STK32B: variants seen among roughly 807,000 people sequenced by gnomAD.
STK32B encodes the protein serine/threonine-protein kinase 32B.
STK32B carries 43 observed loss-of-function variants against 52.6 expected under a neutral mutation model. The ratio of observed to expected loss-of-function variants is 0.82; its 90% CI spans 0.64 to 1.05. The LOEUF is 1.05. Ranked by LOEUF, STK32B falls within the 50% of genes least tolerant of loss-of-function variation. STK32B has a pLI of 0.00. For synonymous variants in STK32B, 238 were observed against 204.3 expected (o/e 1.17, Z -1.41); for missense variants, 621 against 534.6 (o/e 1.16, Z -1.59).
In STK32B at chr4:5,400,230, G is replaced by A. The variant is rs190755156; in HGVS notation, c.472+1986G>A. Among the ~76,000 whole-genome samples the A allele has an allele frequency of 1.9e-4, 29 of 152,178 alleles. No individual in the cohort carries two copies. The East Asian group carries it at 4.9e-3, about 26-fold the overall frequency. Reference sequence around the variant, plus strand: ...TGCTGCACAAAAGATATAGGCAGGCGGGCTGCTCCCAGGCAGCCTCCCCTA... The same window carrying A: ...TGCTGCACAAAAGATATAGGCAGGCAGGCTGCTCCCAGGCAGCCTCCCCTA... On this transcript the variant is annotated intron_variant, in intron 5 of 11. Transcript: ENST00000282908. This position sits in a 1 kb window ranked among gnomAD's most constrained non-coding sequence, Gnocchi z 6.1.
In STK32B at chr4:5,467,546, A is replaced by AGGT. The variant is rs1439362068; in HGVS notation, c.1042-459_1042-457dup. 1.3e-5 allele frequency among the ~76,000 whole-genome samples: 2 copies of AGGT among 152,114 alleles called. No homozygotes were observed. Among genetic ancestry groups the AGGT allele is most frequent in the African/African-American group, 4.8e-5 (2 of 41,410 alleles). ...CATCTTAACTGGATTACATCTGTAA[A>AGGT]GGTTCTATTTCCAAATAACGTCATG... On this transcript the variant is annotated intron_variant, in intron 10 of 11. Coordinates refer to ENST00000282908, the MANE Select transcript of STK32B (RefSeq NM_018401.3). The surrounding 1 kb of genome is among the most constrained non-coding windows in gnomAD (Gnocchi z 5.8).
chr4:5,285,479 A>G (rs1301559363), intron 3 of STK32B, among the ~76,000 whole-genome samples: 3 of 152,226 alleles, frequency 2.0e-5, no homozygotes, highest in Admixed American at 6.5e-5. Context: ...AAGACAGGAC[A>G]TAATAGGATA....
At chr4:5,338,282 G>C (rs901835676) in intron 4 of STK32B, among the ~76,000 whole-genome samples, 1 of 152,178 alleles carries the variant, frequency 6.6e-6, no homozygotes, top group Admixed American at 6.5e-5. Flanking sequence ...TAGTAGTAAA[G>C]ATATTGTTCA....
At chr4:5,170,759 G>A (rs1295360193) in intron 3 of STK32B, among the ~76,000 whole-genome samples, 6 of 152,080 alleles carry the variant, frequency 3.9e-5, no homozygotes, top group Non-Finnish European at 8.8e-5. Flanking sequence ...GAATAGTGCC[G>A]CAGTAAACAT....
chr4:5,047,404 C>T (rs1227103397), upstream of STK32B, among the ~76,000 whole-genome samples: 1 of 152,086 alleles, frequency 6.6e-6, no homozygotes, highest in Non-Finnish European at 1.5e-5. Context: ...CACCACGGCA[C>T]ATGTCTACTT....
intron 4 of STK32B, among the ~76,000 whole-genome samples, chr4:5,348,807 AC>A (rs1733639530): frequency 6.6e-6 from 1 of 151,938 alleles, no homozygotes; most frequent in Non-Finnish European, 1.5e-5. Context: ...TCACAGCTTC[AC>A]CCCTCACCAG....
chr4:5,056,544 G>A (rs1742012903), intron 1 of STK32B, among the ~76,000 whole-genome samples: 1 of 152,226 alleles, frequency 6.6e-6, no homozygotes. Flanking sequence ...TTCATTCCTG[G>A]ATTCTGTGCT....
At chr4:5,404,680 C>T (rs550582218) in intron 5 of STK32B, among the ~76,000 whole-genome samples, 7 of 151,736 alleles carry the variant, frequency 4.6e-5, no homozygotes, top group African/African-American at 1.5e-4. Context: ...CCCACTCAGG[C>T]GTGTTACCCT....
chr4:5,251,820 C>T (rs1467280848), intron 3 of STK32B, among the ~76,000 whole-genome samples: 1 of 152,114 alleles, frequency 6.6e-6, no homozygotes, highest in East Asian at 1.9e-4. Flanking sequence ...CTAGGTATTT[C>T]ATTTTTTTCT....
intron 8 of STK32B, chr4:5,458,857 T>C (rs1322867422): frequency 6.6e-6 from 1 of 152,148 alleles, no homozygotes; most frequent in Non-Finnish European, 1.5e-5. Flanking sequence ...ATGACAGGTG[T>C]CGCAGCCAGA....
intron 3 of STK32B, among the ~76,000 whole-genome samples, chr4:5,170,806 A>G (rs1189554025): frequency 2.0e-5 from 3 of 152,134 alleles, no homozygotes; most frequent in Admixed American, 1.3e-4. Flanking sequence ...ATGATTTATA[A>G]TCCTTTGGGT....
At position 5,277,769 on chromosome 4, in the gene STK32B, A is replaced by G. The variant is rs558281152; in HGVS notation, c.261-53451A>G. 9.2e-5 allele frequency among the ~76,000 whole-genome samples: 14 copies of G among 152,272 alleles called. No homozygotes were observed. In the South Asian group the frequency reaches 2.9e-3, roughly 32 times the overall value. ...ATTTTATTTTTTCTTTCATATCTGA[A>G]ATGGTTACATTGACAGATACAGATT... On this transcript the variant is annotated intron_variant, in intron 3 of 11. Coordinates refer to ENST00000282908, the MANE Select transcript of STK32B (RefSeq NM_018401.3).
chr4:5,457,930 G>A (rs201756834), intron 8 of STK32B, among the ~76,000 whole-genome samples: 7 of 117,076 alleles, frequency 6.0e-5, no homozygotes, highest in East Asian at 8.2e-4. Flanking sequence ...GAAGGAAGGA[G>A]GGAGGGAGGG....
chr4:5,031,797 A>C, the STK32B span, among the ~76,000 whole-genome samples: 1 of 152,106 alleles, frequency 6.6e-6, no homozygotes, highest in African/African-American at 2.4e-5. Flanking sequence ...GCTTGACACC[A>C]CGGCCTCAGT....
At chr4:5,246,161 A>G (rs903005495) in intron 3 of STK32B, among the ~76,000 whole-genome samples, 2 of 152,208 alleles carry the variant, frequency 1.3e-5, no homozygotes, top group African/African-American at 4.8e-5. Flanking sequence ...AATATCCTGC[A>G]GAGTGTTTTC....
chr4:5,138,379 A>G (rs945962544), intron 1 of STK32B, among the ~76,000 whole-genome samples: 3 of 152,034 alleles, frequency 2.0e-5, no homozygotes, highest in Non-Finnish European at 4.4e-5. Flanking sequence ...GAACTAATCA[A>G]TTCACTTCAT....
At chr4:5,021,014 A>T in the STK32B span, among the ~76,000 whole-genome samples, 1 of 152,180 alleles carries the variant, frequency 6.6e-6, no homozygotes, top group Non-Finnish European at 1.5e-5. Flanking sequence ...TTCCCAGAAC[A>T]AAACAACCAA....
intron 4 of STK32B, among the ~76,000 whole-genome samples, chr4:5,354,646 G>T (rs1012470799): frequency 6.6e-6 from 1 of 152,164 alleles, no homozygotes; most frequent in Non-Finnish European, 1.5e-5. Flanking sequence ...TTTCAAAGTA[G>T]CTAGGAGCTT....
the STK32B span, among the ~76,000 whole-genome samples, chr4:5,045,755 T>G: frequency 6.6e-6 from 1 of 152,196 alleles, no homozygotes; most frequent in Non-Finnish European, 1.5e-5. Flanking sequence ...CACATTGATT[T>G]TGTATCCCGA....
Sources: gnomAD v4.1 joint callset for allele counts (sites outside exome capture counted in the v4.1 genomes callset) on GRCh38, gnomAD v4.1.1 for gene constraint, Gnocchi (gnomAD v3.1) non-coding constraint, MANE v1.5 for transcripts, NCBI Gene and HGNC (gene_info 2026-07-23, HGNC 2026-07-21) for gene names.